Variants in CHIC1 observed in about 807,000 individuals in gnomAD.
CHIC1 encodes the protein cysteine rich hydrophobic domain 1.
In CHIC1, 7 loss-of-function variants were observed where a neutral mutation model predicts 18.5. The observed-to-expected ratio is 0.38, with a 90% CI of 0.22 to 0.71. CHIC1 has a LOEUF of 0.71. Among genes scored for constraint, CHIC1 ranks in the 30% least tolerant of loss-of-function variants. CHIC1 has a pLI of 0.49. For missense variants in CHIC1, 159 were observed against 176.9 expected (o/e 0.90, Z 0.57); for synonymous variants, 77 against 73.5 (o/e 1.05, Z -0.25).
At chrX:73,625,869 G>A (rs1391006683) in intron 3 of CHIC1, among the ~76,000 whole-genome samples, 1 of 110,506 alleles carries the variant, frequency 9.0e-6, no homozygotes, top group African/African-American at 3.3e-5. Flanking sequence ...TCTGTTTCTA[G>A]GAGAGGCTCT....
intron 3 of CHIC1, among the ~76,000 whole-genome samples, chrX:73,609,990 T>C (rs1403910904): frequency 1.9e-5 from 2 of 108,061 alleles, no homozygotes; most frequent in African/African-American, 7.2e-5. Context: ...CTTACTCCTT[T>C]TAACTGCATG....
intron 3 of CHIC1, among the ~76,000 whole-genome samples, chrX:73,627,955 C>T (rs895931001): frequency 8.9e-6 from 1 of 111,851 alleles, no homozygotes; most frequent in African/African-American, 3.3e-5. Flanking sequence ...CGATGTTGTA[C>T]CTGGGTATTG....
intron 3 of CHIC1, among the ~76,000 whole-genome samples, chrX:73,660,525 G>T (rs1353321754): frequency 8.9e-6 from 1 of 112,053 alleles, no homozygotes; most frequent in Admixed American, 9.4e-5. Context: ...GTACAACAGA[G>T]AGCATAGCAA....
chrX:73,610,691 G>A, intron 3 of CHIC1, among the ~76,000 whole-genome samples: 1 of 108,725 alleles, frequency 9.2e-6, no homozygotes, highest in Admixed American at 9.6e-5. Context: ...ATTCACCTGT[G>A]AAGCAATCCA....
intron 3 of CHIC1, among the ~76,000 whole-genome samples, chrX:73,636,212 CATTTT>C (rs2057830521): frequency 9.0e-6 from 1 of 111,464 alleles, no homozygotes. Flanking sequence ...TATTTTTTAT[CATTTT>C]ATTTTCCATT....
At position 73,563,334 on chromosome X, in the gene CHIC1, TGGA is replaced by T. The variant is rs773550444; in HGVS notation, c.63_65del (p.Glu24del). On this transcript the variant is annotated inframe_deletion, in exon 1 of 6. Coordinates refer to ENST00000373502, the MANE Select transcript of CHIC1 (RefSeq NM_001039840.4). ...GCGGAGTTCGACACCATCTCGGAAC[TGGA>T]GGAGGAGGAGGAAGAAGAAGCGGCA... is the stretch of plus-strand genomic sequence containing the variant. 67 of 1,140,392 alleles carry T rather than the reference TGGA, an allele frequency of 5.9e-5. No homozygotes were observed. Among genetic ancestry groups the T allele is most frequent in the African/African-American group, 3.0e-4 (16 of 53,911 alleles). The allele number at this position is 1,140,392 out of a possible 1,213,427, so 94.0% of individuals were successfully genotyped here. A position where few individuals can be genotyped will look rare whatever the true frequency, so the allele number is the denominator to read the frequency against.
At chrX:73,589,854 G>A (rs1409433087) in intron 3 of CHIC1, among the ~76,000 whole-genome samples, 1 of 110,746 alleles carries the variant, frequency 9.0e-6, no homozygotes, top group Non-Finnish European at 1.9e-5. Flanking sequence ...GGATAATTTT[G>A]CTCAGTATAG....
chrX:73,581,294 C>A (rs1453955449), intron 2 of CHIC1, among the ~76,000 whole-genome samples: 1 of 110,571 alleles, frequency 9.0e-6, no homozygotes, highest in Admixed American at 9.7e-5. Flanking sequence ...AATATTATGA[C>A]CCTTTACCCC....
At chrX:73,629,241 T>G (rs1476189050) in intron 3 of CHIC1, among the ~76,000 whole-genome samples, 2 of 111,670 alleles carry the variant, frequency 1.8e-5, no homozygotes, top group Non-Finnish European at 3.8e-5. Context: ...GGCATTTATG[T>G]TCTCACATTC....
At chrX:73,658,836 C>G (rs1333721771) in intron 3 of CHIC1, among the ~76,000 whole-genome samples, 1 of 112,024 alleles carries the variant, frequency 8.9e-6, no homozygotes, top group Non-Finnish European at 1.9e-5. Flanking sequence ...ATTTTATCTT[C>G]GTTCTCATTT....
Position 73,649,497 on chromosome X carries a change from A to G in CHIC1, c.508-29829A>G, listed in dbSNP as rs780497200. Among the ~76,000 whole-genome samples, 16 of 111,974 alleles carry G rather than the reference A, an allele frequency of 1.4e-4. 1 individual carries two copies. The South Asian group carries it at 5.6e-3, about 39-fold the overall frequency. On this transcript the variant is annotated intron_variant, in intron 3 of 5. Coordinates refer to ENST00000373502, the MANE Select transcript of CHIC1 (RefSeq NM_001039840.4). Reference sequence around the variant, plus strand: ...AGGCTCAAAATAAAGGAATGGAGGAATATTTACCAAGCAAATGGGAATCAA... The same window carrying G: ...AGGCTCAAAATAAAGGAATGGAGGAGTATTTACCAAGCAAATGGGAATCAA...
intron 3 of CHIC1, among the ~76,000 whole-genome samples, chrX:73,671,375 T>C (rs756548078): frequency 5.5e-4 from 62 of 112,286 alleles, no homozygotes; most frequent in Non-Finnish European, 9.2e-4. Context: ...TTTCATTGAA[T>C]ACGATTTTTA....
chrX:73,657,773 C>G (rs1039326065), intron 3 of CHIC1, among the ~76,000 whole-genome samples: 1 of 108,279 alleles, frequency 9.2e-6, no homozygotes, highest in Non-Finnish European at 2.0e-5. Flanking sequence ...TGGCTCTTAT[C>G]ATTTTGAGGT....
chrX:73,599,809 A>G lies in CHIC1; in HGVS notation c.507+15237A>G, dbSNP rs2057633259. ...TCTTTTGGCTTAGGAGTGACTTGGC[A>G]ATGTGGGCTCTTTTTTGGTTCCATA... On this transcript the variant is annotated intron_variant, in intron 3 of 5. Coordinates refer to ENST00000373502, the MANE Select transcript of CHIC1 (RefSeq NM_001039840.4). 2.8e-5 allele frequency among the ~76,000 whole-genome samples: 3 copies of G among 106,934 alleles called. 1 individual carries two copies. The highest frequency in any genetic ancestry group is 7.9e-4 in the South Asian group (2 of 2,538). 92.9% of individuals were successfully genotyped at this position (106,934 alleles called of 115,157 possible).
Position 73,627,137 on chromosome X carries a change from C to CAAA in CHIC1, c.507+42584_507+42586dup, listed in dbSNP as rs759306668. Among the ~76,000 whole-genome samples, 277 of 56,874 alleles carry CAAA rather than the reference C, an allele frequency of 4.9e-3. 3 individuals carry two copies. The highest frequency in any genetic ancestry group is 0.011 in the African/African-American group (183 of 17,082). The allele number at this position is 56,874 out of a possible 115,157, so 49.4% of individuals were successfully genotyped here. A position where few individuals can be genotyped will look rare whatever the true frequency, so the allele number is the denominator to read the frequency against. On this transcript the variant is annotated intron_variant, in intron 3 of 5. Coordinates refer to ENST00000373502, the MANE Select transcript of CHIC1 (RefSeq NM_001039840.4). Reference sequence around the variant, plus strand: ...CTCTTCTTCTTTCTTTAAGTTCTCCCAAAAAAAAAAAAAAAAAAAAAGAGT... The same window carrying CAAA: ...CTCTTCTTCTTTCTTTAAGTTCTCCCAAAAAAAAAAAAAAAAAAAAAAAAGAGT...
In CHIC1 at chrX:73,685,166, T is replaced by C. The variant is rs2058116267; in HGVS notation, c.*4161T>C. On this transcript the variant is annotated 3_prime_UTR_variant, in exon 6 of 6. Transcript: ENST00000373502. Reference sequence around the variant, plus strand: ...GATCTACTGTCCTTGGTGGAAACTCTCACAGTGCCTTGCATGCAGTAAAAG... The same window carrying C: ...GATCTACTGTCCTTGGTGGAAACTCCCACAGTGCCTTGCATGCAGTAAAAG... 1.8e-5 allele frequency: 2 copies of C among 111,625 alleles called. No individual in the cohort carries two copies. Among genetic ancestry groups the C allele is most frequent in the Admixed American group, 9.5e-5 (1 of 10,493 alleles). 9.2% of individuals were successfully genotyped at this position (111,625 alleles called of 1,213,427 possible).
intron 3 of CHIC1, among the ~76,000 whole-genome samples, chrX:73,645,153 G>T (rs747301265): frequency 3.6e-5 from 4 of 112,585 alleles, no homozygotes; most frequent in Non-Finnish European, 7.5e-5. Flanking sequence ...CCACATATAA[G>T]TGAGATCACA....
rs772315520 is a variant in CHIC1 at position 73,577,345 on chromosome X, A to T, written c.297-62A>T. On this transcript the variant is annotated intron_variant, in intron 1 of 5. Coordinates refer to ENST00000373502, the MANE Select transcript of CHIC1 (RefSeq NM_001039840.4). Reference sequence around the variant, plus strand: ...TGCATGGGTTTATAACTTTTTTTTAAAAAAAAGGGAAGATTTAAGTATGCT... The same window carrying T: ...TGCATGGGTTTATAACTTTTTTTTATAAAAAAGGGAAGATTTAAGTATGCT... The T allele has an allele frequency of 1.4e-5, 13 of 904,598 alleles. No individual in the cohort carries two copies. The African/African-American group carries it at 2.2e-4, about 15-fold the overall frequency. The allele number at this position is 904,598 out of a possible 1,213,427, so 74.5% of individuals were successfully genotyped here. A position where few individuals can be genotyped will look rare whatever the true frequency, so the allele number is the denominator to read the frequency against.
chrX:73,643,859 C>A (rs1970121371), intron 3 of CHIC1, among the ~76,000 whole-genome samples: 1 of 112,199 alleles, frequency 8.9e-6, no homozygotes, highest in Middle Eastern at 4.2e-3. Flanking sequence ...AAGCCTTCTT[C>A]TCTCAACTCG....
Sources: gnomAD v4.1 joint callset for allele counts (sites outside exome capture counted in the v4.1 genomes callset) on GRCh38, gnomAD v4.1.1 for gene constraint, MANE v1.5 for transcripts, NCBI Gene and HGNC (gene_info 2026-07-23, HGNC 2026-07-21) for gene names.